Variants in MAP6 observed in about 807,000 individuals in gnomAD.
The protein encoded by MAP6 is microtubule associated protein 6.
Under a neutral mutation model 42.4 loss-of-function variants are expected in MAP6, and 26 were observed. The observed-to-expected ratio is 0.61, with a 90% CI of 0.45 to 0.85. The LOEUF (loss-of-function observed/expected upper bound fraction) is 0.85, where lower values mean the gene tolerates loss of function less well. MAP6 is among the 40% of genes least tolerant of loss of function. The pLI is 0.00. For missense variants in MAP6, 966 were observed against 1,099.0 expected, an observed-to-expected ratio of 0.88 and a Z score of 1.71; for synonymous variants, 418 against 443.8, an observed-to-expected ratio of 0.94 and a Z score of 0.73.
intron 1 of MAP6, among the ~76,000 whole-genome samples, chr11:75,641,553 C>G (rs1400057396): frequency 2.6e-5 from 4 of 152,118 alleles, no homozygotes; most frequent in Admixed American, 2.6e-4. Flanking sequence ...GGCCCAGGAT[C>G]TGCACTGTAA....
At chr11:75,666,622 T>C (rs1404419586) in intron 1 of MAP6, among the ~76,000 whole-genome samples, 1 of 152,246 alleles carries the variant, frequency 6.6e-6, no homozygotes, top group African/African-American at 2.4e-5. Context: ...TACCACTATG[T>C]GCTAGGCACG....
At chr11:75,632,411 G>T (rs1331409059) in intron 1 of MAP6, among the ~76,000 whole-genome samples, 3 of 152,158 alleles carry the variant, frequency 2.0e-5, no homozygotes, top group Admixed American at 6.5e-5. Flanking sequence ...TCTGTATAAG[G>T]TCTCTCACAA....
At chr11:75,649,828 C>T (rs752922692) in intron 1 of MAP6, among the ~76,000 whole-genome samples, 2 of 152,012 alleles carry the variant, frequency 1.3e-5, no homozygotes, top group Non-Finnish European at 1.5e-5. Context: ...TGTGAGCCAC[C>T]GCACCCAGCC....
At chr11:75,598,792 G>C (rs1315946007) in intron 3 of MAP6, 1 of 152,422 alleles carries the variant, frequency 6.6e-6, no homozygotes, top group Non-Finnish European at 1.5e-5. Context: ...CTTGCCCTGG[G>C]GGAGCACGGT....
At position 75,667,726 on chromosome 11, in the gene MAP6, T is replaced by G. The variant is rs1270161486; in HGVS notation, c.644A>C (p.Gln215Pro). ...ACCCGCTCCGCCGGGGGCCGCCTCCTGCTCCCGGGCCTCAGCGGCGGCCTG... is the reference window on the plus strand; with the variant it reads ...ACCCGCTCCGCCGGGGGCCGCCTCCGGCTCCCGGGCCTCAGCGGCGGCCTG... Reference protein sequence around the residue: ...PVQAAAEAREQEAAPGGAGGL... With the variant: ...PVQAAAEAREPEAAPGGAGGL... Residue 215 changes from glutamine to proline, a missense_variant, in exon 1 of 4, where the codon CAG becomes CCG. Gln to Pro is a moderately conservative substitution (Grantham distance 76). Coordinates refer to ENST00000304771, the MANE Select transcript of MAP6 (RefSeq NM_033063.2). The surrounding 1 kb of genome is among the most constrained non-coding windows in gnomAD (Gnocchi z 5.6). The G allele has an allele frequency of 7.0e-6, 9 of 1,294,556 alleles. No individual in the cohort carries two copies. The East Asian group carries it at 2.2e-4, about 32-fold the overall frequency. The allele number at this position is 1,294,556 out of a possible 1,614,324, so 80.2% of individuals were successfully genotyped here.
chr11:75,662,058 G>A (rs1943859014), intron 1 of MAP6, among the ~76,000 whole-genome samples: 4 of 152,062 alleles, frequency 2.6e-5, no homozygotes, highest in Admixed American at 2.6e-4. Flanking sequence ...ATAATTAAAA[G>A]CTAGCTCAGA....
chr11:75,630,936 T>C (rs1943275474), intron 1 of MAP6, among the ~76,000 whole-genome samples: 1 of 152,238 alleles, frequency 6.6e-6, no homozygotes, highest in South Asian at 2.1e-4. Flanking sequence ...CTGGAATCTG[T>C]ATTTTAACAA....
intron 1 of MAP6, among the ~76,000 whole-genome samples, chr11:75,617,717 C>T (rs1223912114): frequency 6.6e-6 from 1 of 151,718 alleles, no homozygotes; most frequent in East Asian, 1.9e-4. Flanking sequence ...TACAAATATA[C>T]CTCAAGTAGA....
intron 1 of MAP6, among the ~76,000 whole-genome samples, chr11:75,619,308 A>C (rs77957871): frequency 0.015 from 2,295 of 152,380 alleles, 65 homozygotes; most frequent in East Asian, 0.13. Context: ...TATCAGGTAC[A>C]GAAATTGAAT....
intron 1 of MAP6, among the ~76,000 whole-genome samples, chr11:75,623,719 G>A (rs1466610264): frequency 2.6e-5 from 4 of 151,978 alleles, no homozygotes; most frequent in Non-Finnish European, 4.4e-5. Flanking sequence ...TTTGTCTTAC[G>A]TTTTTTTTGA....
intron 3 of MAP6, among the ~76,000 whole-genome samples, chr11:75,602,526 G>A (rs1590758788): frequency 1.3e-5 from 2 of 152,292 alleles, no homozygotes; most frequent in Admixed American, 6.5e-5. Flanking sequence ...CCTGCCAGTC[G>A]ACAGGAAGGA....
chr11:75,641,554 T>C (rs1358123870), intron 1 of MAP6, among the ~76,000 whole-genome samples: 4 of 152,156 alleles, frequency 2.6e-5, no homozygotes, highest in Non-Finnish European at 5.9e-5. Flanking sequence ...GCCCAGGATC[T>C]GCACTGTAAA....
chr11:75,663,892 T>C (rs1943898790), intron 1 of MAP6, among the ~76,000 whole-genome samples: 1 of 152,228 alleles, frequency 6.6e-6, no homozygotes. Context: ...ACTGCTCTTA[T>C]TTTTCAAGTA....
chr11:75,604,998 G>A (rs1942733396), intron 3 of MAP6: 5 of 985,460 alleles, frequency 5.1e-6, no homozygotes, highest in South Asian at 9.4e-5. Context: ...CCAACCGGTC[G>A]CTCTGCGAAA....
intron 3 of MAP6, chr11:75,605,039 G>A (rs1321578604): frequency 1.0e-6 from 1 of 985,506 alleles, no homozygotes; most frequent in Non-Finnish European, 1.2e-6. Context: ...GTCGGCCGAG[G>A]AGAATCAGAG....
In MAP6 at chr11:75,668,678, C is replaced by T. The variant is rs886803998; in HGVS notation, c.-309G>A. The stretch of plus-strand genomic sequence containing the variant: ...GAGGGTGTCTGGGACGCGCCCCTCC[C>T]TGCGGCTGCGGCGGCGCACAGACCT... On this transcript the variant is annotated 5_prime_UTR_variant, in exon 1 of 4. Coordinates refer to ENST00000304771, the MANE Select transcript of MAP6 (RefSeq NM_033063.2). 3.4e-5 allele frequency: 8 copies of T among 234,464 alleles called. No individual in the cohort carries two copies. The highest frequency in any genetic ancestry group is 5.7e-5 in the Non-Finnish European group (7 of 121,796). The allele number at this position is 234,464 out of a possible 1,614,324, so 14.5% of individuals were successfully genotyped here.
chr11:75,620,972 ATACAAAAAAT>A (rs1195166826), intron 1 of MAP6, among the ~76,000 whole-genome samples: 2 of 152,242 alleles, frequency 1.3e-5, no homozygotes, highest in East Asian at 3.9e-4. Context: ...CTACTAAAAA[ATACAAAAAAT>A]TAGCCGGGCG....
chr11:75,625,677 T>G (rs561001648), intron 1 of MAP6, among the ~76,000 whole-genome samples: 1 of 152,262 alleles, frequency 6.6e-6, no homozygotes, highest in South Asian at 2.1e-4. Context: ...CAGCAATCAG[T>G]TTCTGTACAG....
At chr11:75,660,656 T>C (rs998601585) in intron 1 of MAP6, among the ~76,000 whole-genome samples, 9 of 152,340 alleles carry the variant, frequency 5.9e-5, no homozygotes, top group African/African-American at 2.2e-4. Context: ...GCCTCCTTAT[T>C]GGCCTTCCCT....
Sources: gnomAD v4.1 joint callset for allele counts (sites outside exome capture counted in the v4.1 genomes callset) on GRCh38, gnomAD v4.1.1 for gene constraint, Gnocchi (gnomAD v3.1) non-coding constraint, MANE v1.5 for transcripts, NCBI Gene and HGNC (gene_info 2026-07-23, HGNC 2026-07-21) for gene names.